MYT1L: variants seen among roughly 807,000 people sequenced by gnomAD.
MYT1L encodes myelin transcription factor 1-like protein.
Under a neutral mutation model 126.7 loss-of-function variants are expected in MYT1L, and 12 were observed. That is an observed-to-expected ratio of 0.09 (90% confidence interval 0.06 to 0.15). The LOEUF is 0.15. Ranked by LOEUF, MYT1L falls within the 10% of genes least tolerant of loss-of-function variation. The probability of loss-of-function intolerance (pLI) is 1.00; values close to 1 mark genes in which losing one functional copy is unlikely to be tolerated. For missense variants in MYT1L, 979 were observed against 1,585.2 expected (o/e 0.62, Z 6.49); for synonymous variants, 541 against 604.2 (o/e 0.90, Z 1.53).
chr2:2,283,195 CAAAGA>C (rs2095474152), intron 2 of MYT1L, among the ~76,000 whole-genome samples: 1 of 152,204 alleles, frequency 6.6e-6, no homozygotes, highest in African/African-American at 2.4e-5. Flanking sequence ...TGAAGACTGT[CAAAGA>C]AATCAGTCTT....
intron 3 of MYT1L, among the ~76,000 whole-genome samples, chr2:2,089,504 T>A (rs1261661861): frequency 6.6e-6 from 1 of 152,204 alleles, no homozygotes; most frequent in Non-Finnish European, 1.5e-5. Context: ...TGAAGGACTG[T>A]TGAGAGGTGG....
intron 3 of MYT1L, among the ~76,000 whole-genome samples, chr2:2,074,305 CA>C (rs1403249586): frequency 6.6e-6 from 1 of 152,158 alleles, no homozygotes; most frequent in African/African-American, 2.4e-5. Flanking sequence ...TGTGCCTAGT[CA>C]GTCTTAATCA....
At position 1,852,743 on chromosome 2, in the gene MYT1L, A is replaced by T. The variant is rs1168783931; in HGVS notation, c.2712-1040T>A. Among the ~76,000 whole-genome samples, 4 of 152,230 alleles carry T rather than the reference A, an allele frequency of 2.6e-5. No individual in the cohort carries two copies. The highest frequency in any genetic ancestry group is 5.9e-5 in the Non-Finnish European group (4 of 68,044). On this transcript the variant is annotated intron_variant, in intron 18 of 24. Transcript: ENST00000647738. The surrounding 1 kb of genome is among the most constrained non-coding windows in gnomAD (Gnocchi z 4.0). ...ACAAGGAGAAAGCAACTTAGTGAGCAATATTACACCTAGTAGGAAGCATCA... is the reference window on the plus strand; with the variant it reads ...ACAAGGAGAAAGCAACTTAGTGAGCTATATTACACCTAGTAGGAAGCATCA...
chr2:1,815,789 T>G (rs2037533495), intron 21 of MYT1L, among the ~76,000 whole-genome samples: 1 of 152,300 alleles, frequency 6.6e-6, no homozygotes, highest in South Asian at 2.1e-4. Context: ...TGTCCTGTAG[T>G]TTATCTTTTC....
intron 21 of MYT1L, among the ~76,000 whole-genome samples, chr2:1,835,547 GC>G (rs2148335145): frequency 6.6e-6 from 1 of 152,248 alleles, no homozygotes; most frequent in African/African-American, 2.4e-5. Context: ...TAAATTCCAT[GC>G]CATATGTTAA....
rs140708940 is a variant in MYT1L, at chr2:2,177,263, T to C, written c.-420-4275A>G. Reference sequence around the variant, plus strand: ...CAGTTCCTGGTATCTACCAAATATATATTTAGTCACACATATGCATAGATA... The same window carrying C: ...CAGTTCCTGGTATCTACCAAATATACATTTAGTCACACATATGCATAGATA... On this transcript the variant is annotated intron_variant, in intron 2 of 24. Coordinates refer to ENST00000647738, the MANE Select transcript of MYT1L (RefSeq NM_001303052.2). Among the ~76,000 whole-genome samples the C allele has an allele frequency of 1.9e-3, 295 of 152,342 alleles. 8 individuals carry two copies. The highest frequency in any genetic ancestry group is 7.7e-4 in the East Asian group (4 of 5,184).
intron 2 of MYT1L, among the ~76,000 whole-genome samples, chr2:2,177,487 A>C (rs978438484): frequency 2.0e-5 from 3 of 152,140 alleles, no homozygotes; most frequent in Admixed American, 6.6e-5. Flanking sequence ...ACATACGACA[A>C]CCTAGAACCT....
intron 23 of MYT1L, among the ~76,000 whole-genome samples, chr2:1,799,591 A>G (rs2034451810): frequency 1.3e-5 from 2 of 152,264 alleles, no homozygotes; most frequent in African/African-American, 4.8e-5. Context: ...TTGCCCCAGT[A>G]GACCATGGAC....
intron 3 of MYT1L, among the ~76,000 whole-genome samples, chr2:2,076,847 T>C (rs151257206): frequency 1.3e-5 from 2 of 152,110 alleles, no homozygotes; most frequent in Non-Finnish European, 1.5e-5. Context: ...TAACTGAAAA[T>C]GTCCCTGAAA....
At chr2:2,151,617 T>C (rs1001160548) in intron 3 of MYT1L, among the ~76,000 whole-genome samples, 1 of 152,214 alleles carries the variant, frequency 6.6e-6, no homozygotes, top group Non-Finnish European at 1.5e-5. Flanking sequence ...AGACCCCTAG[T>C]GGATGCATAA....
intron 2 of MYT1L, among the ~76,000 whole-genome samples, chr2:2,204,358 C>T (rs2093218238): frequency 6.6e-6 from 1 of 151,392 alleles, no homozygotes; most frequent in Non-Finnish European, 1.5e-5. Flanking sequence ...TTGCAACCTA[C>T]TCATCTGACA....
intron 4 of MYT1L, among the ~76,000 whole-genome samples, chr2:2,024,137 C>T (rs1220594532): frequency 6.6e-6 from 1 of 152,076 alleles, no homozygotes; most frequent in Non-Finnish European, 1.5e-5. Flanking sequence ...TTTTATCTAC[C>T]TTCTGCCACT....
intron 1 of MYT1L, among the ~76,000 whole-genome samples, chr2:2,287,209 C>T (rs1008188530): frequency 1.3e-5 from 2 of 151,930 alleles, no homozygotes; most frequent in Non-Finnish European, 2.9e-5. Flanking sequence ...GAGCAGAGGT[C>T]GTGCCTTTGC....
At chr2:1,913,513 C>G (rs2052358354) in intron 11 of MYT1L, among the ~76,000 whole-genome samples, 1 of 152,160 alleles carries the variant, frequency 6.6e-6, no homozygotes. Flanking sequence ...CTCCAGGAAG[C>G]ATGTGCGTGG....
At chr2:2,212,297 T>C (rs540888410) in intron 2 of MYT1L, among the ~76,000 whole-genome samples, 3 of 151,278 alleles carry the variant, frequency 2.0e-5, no homozygotes, top group Non-Finnish European at 4.4e-5. Context: ...AGTTACCCGA[T>C]AATAAAGGAG....
intron 13 of MYT1L, among the ~76,000 whole-genome samples, chr2:1,905,357 A>G (rs76423115): frequency 2.0e-5 from 3 of 151,700 alleles, no homozygotes; most frequent in African/African-American, 7.3e-5. Context: ...GAAGGACAGT[A>G]ATTTTTTTTT....
rs6728613 is a variant in MYT1L, at chr2:1,839,002, T to C, written c.3080+147A>G. The C allele has an allele frequency of 0.41, 298,068 of 725,640 alleles. 67,446 individuals are homozygous for C. The highest frequency in any genetic ancestry group is 0.77 in the African/African-American group (43,362 of 56,014). The allele number at this position is 725,640 out of a possible 1,614,324, so 45.0% of individuals were successfully genotyped here. A position where few individuals can be genotyped will look rare whatever the true frequency, so the allele number is the denominator to read the frequency against. ...ACACTGTCCCCAAACCCTTGAATTT[T>C]GTTAGGTTGGTACGATAGTTTTCAG... On this transcript the variant is annotated intron_variant, in intron 21 of 24. Coordinates refer to ENST00000647738, the MANE Select transcript of MYT1L (RefSeq NM_001303052.2).
At chr2:2,157,895 T>G (rs1460098915) in intron 3 of MYT1L, among the ~76,000 whole-genome samples, 1 of 152,108 alleles carries the variant, frequency 6.6e-6, no homozygotes, top group Admixed American at 6.5e-5. Context: ...TAAATTTTCA[T>G]AGCAGACAAC....
At chr2:2,219,298 A>G (rs2093784237) in intron 2 of MYT1L, among the ~76,000 whole-genome samples, 2 of 152,144 alleles carry the variant, frequency 1.3e-5, no homozygotes, top group Admixed American at 6.5e-5. Flanking sequence ...AAGACTCACA[A>G]CTGCAGACTG....
Sources: gnomAD v4.1 joint callset for allele counts (sites outside exome capture counted in the v4.1 genomes callset) on GRCh38, gnomAD v4.1.1 for gene constraint, Gnocchi (gnomAD v3.1) non-coding constraint, MANE v1.5 for transcripts, NCBI Gene and HGNC (gene_info 2026-07-23, HGNC 2026-07-21) for gene names.